Variants in VDR observed in about 807,000 individuals in gnomAD.
The protein encoded by VDR is vitamin D receptor.
A neutral mutation model predicts 39.7 loss-of-function variants in VDR; 19 were observed. The observed-to-expected ratio is 0.48, with a 90% CI of 0.33 to 0.70. The LOEUF is 0.70. Ranked by LOEUF, VDR falls within the 30% of genes least tolerant of loss-of-function variation. VDR has a pLI of 0.02. For missense variants in VDR, 442 were observed against 570.5 expected, an observed-to-expected ratio of 0.77 and a Z score of 2.29; for synonymous variants, 242 against 215.8, an observed-to-expected ratio of 1.12 and a Z score of -1.07.
intron 4 of VDR, among the ~76,000 whole-genome samples, chr12:47,859,975 C>A (rs985410149): frequency 5.8e-4 from 83 of 143,610 alleles, no homozygotes; most frequent in African/African-American, 2.0e-3. Flanking sequence ...TTCTTTCTTT[C>A]TTTCTTTCAC....
At chr12:47,882,175 C>T (rs918293212) in intron 2 of VDR, among the ~76,000 whole-genome samples, 2 of 152,156 alleles carry the variant, frequency 1.3e-5, no homozygotes, top group African/African-American at 4.8e-5. Flanking sequence ...AGTCTCTATG[C>T]TGGGGGTGAA....
Position 47,851,093 on chromosome 12 carries a change from G to C in VDR, c.756-4285C>G, listed in dbSNP as rs1032106708. ...AAAGGGCACAGCACGAAGGAAGCAT[G>C]ATAACCCCCAGGGCTCTTCCCTAGG... On this transcript the variant is annotated intron_variant, in intron 7 of 9. Transcript: ENST00000549336. Among the ~76,000 whole-genome samples the C allele has an allele frequency of 4.6e-5, 7 of 152,286 alleles. No individual in the cohort carries two copies. In the South Asian group the frequency reaches 1.4e-3, roughly 32 times the overall value.
chr12:47,863,777 A>T (rs1440221633), intron 4 of VDR, among the ~76,000 whole-genome samples: 1 of 152,186 alleles, frequency 6.6e-6, no homozygotes, highest in East Asian at 1.9e-4. Context: ...CCGTCAGATC[A>T]GGAGGGAGGA....
chr12:47,882,767 A>G lies in VDR; in HGVS notation c.-76T>C, dbSNP rs1441701018. 2 of 1,534,702 alleles carry G rather than the reference A, an allele frequency of 1.3e-6. No individual in the cohort carries two copies. The highest frequency in any genetic ancestry group is 4.9e-5 in the East Asian group (2 of 40,902). On this transcript the variant is annotated 5_prime_UTR_variant, in exon 2 of 10. Transcript: ENST00000549336. The stretch of plus-strand genomic sequence containing the variant: ...GAGGTCTCACAGACACTTCAGACCC[A>G]AAGGCTTCTGAAATGAAGAAGGGGA...
intron 1 of VDR, chr12:47,904,582 T>C: frequency 6.5e-7 from 1 of 1,535,822 alleles, no homozygotes; most frequent in Non-Finnish European, 8.7e-7. Flanking sequence ...CCAGCAGTTC[T>C]GAGCACCATC....
intron 2 of VDR, among the ~76,000 whole-genome samples, chr12:47,879,414 G>A (rs574043499): frequency 5.6e-4 from 85 of 151,184 alleles, no homozygotes; most frequent in South Asian, 2.5e-3. Flanking sequence ...GCATGCCCCC[G>A]CTGTCTGCAT....
At chr12:47,885,537 A>G (rs1296896537) in intron 1 of VDR, among the ~76,000 whole-genome samples, 3 of 152,354 alleles carry the variant, frequency 2.0e-5, no homozygotes, top group East Asian at 1.9e-4. Context: ...AAAGTCCCTC[A>G]TGGCTCAGTT....
chr12:47,856,621 TTAA>T (rs1565612976), intron 6 of VDR, among the ~76,000 whole-genome samples: 9 of 122,906 alleles, frequency 7.3e-5, no homozygotes, highest in Admixed American at 7.8e-5. Flanking sequence ...TGTGTTTTTT[TTAA>T]AAAAAAAAAA....
intron 1 of VDR, among the ~76,000 whole-genome samples, chr12:47,883,823 C>T (rs1052720805): frequency 3.3e-5 from 5 of 152,192 alleles, no homozygotes; most frequent in African/African-American, 7.2e-5. Flanking sequence ...GACCTGGGCC[C>T]GGTCCTAGAA....
At chr12:47,869,993 T>C (rs1945818909) in intron 3 of VDR, among the ~76,000 whole-genome samples, 1 of 152,164 alleles carries the variant, frequency 6.6e-6, no homozygotes, top group Non-Finnish European at 1.5e-5. Context: ...CCGAGAACAC[T>C]GAAAAGGAAG....
intron 4 of VDR, among the ~76,000 whole-genome samples, chr12:47,861,986 T>C (rs1945635415): frequency 6.6e-6 from 1 of 152,212 alleles, no homozygotes; most frequent in East Asian, 1.9e-4. Context: ...GTGGAAGATA[T>C]ACAGAGAGAA....
chr12:47,879,314 C>T (rs1033015447), intron 2 of VDR, among the ~76,000 whole-genome samples, 199 bp from the exon 3 acceptor site: 4 of 152,072 alleles, frequency 2.6e-5, no homozygotes, highest in Non-Finnish European at 5.9e-5. Flanking sequence ...ATTCGCCCTA[C>T]ATAGCTGGCT....
chr12:47,846,052 C>A (rs1544410), intron 9 of VDR, among the ~76,000 whole-genome samples: 1 of 152,042 alleles, frequency 6.6e-6, no homozygotes, highest in Admixed American at 6.5e-5. Flanking sequence ...ATTGGGAATG[C>A]GCAGGCCTGT....
chr12:47,870,538 G>C (rs1945830035), intron 3 of VDR, among the ~76,000 whole-genome samples: 1 of 152,210 alleles, frequency 6.6e-6, no homozygotes, highest in Non-Finnish European at 1.5e-5. Flanking sequence ...CCAGGGGTGA[G>C]AGAGGACATT....
At chr12:47,856,054 C>G (rs368471129) in intron 6 of VDR, among the ~76,000 whole-genome samples, 6 of 152,360 alleles carry the variant, frequency 3.9e-5, no homozygotes, top group East Asian at 1.9e-4. Context: ...AGACTGTGTG[C>G]TGTTCCTATG....
At chr12:47,864,144 G>A (rs1841691020) in intron 4 of VDR, among the ~76,000 whole-genome samples, 1 of 152,222 alleles carries the variant, frequency 6.6e-6, no homozygotes, top group Admixed American at 6.5e-5. Context: ...ACAGGAGTGA[G>A]CAAGAGAAGG....
chr12:47,883,307 C>T (rs1012546696), intron 1 of VDR, among the ~76,000 whole-genome samples: 1 of 152,192 alleles, frequency 6.6e-6, no homozygotes, highest in African/African-American at 2.4e-5. Flanking sequence ...ACAGCCTTGG[C>T]CTCTTGGGAC....
chr12:47,857,050 A>G, intron 6 of VDR, 79 bp downstream of exon 6: 1 of 1,603,658 alleles, frequency 6.2e-7, no homozygotes, highest in Middle Eastern at 1.9e-4. Flanking sequence ...ACCTCCTTCC[A>G]TCCAGCAGCC....
intron 3 of VDR, among the ~76,000 whole-genome samples, chr12:47,874,472 C>T (rs940555501): frequency 2.0e-5 from 3 of 152,224 alleles, no homozygotes; most frequent in African/African-American, 7.2e-5. Context: ...AATGCCAGAA[C>T]ATTCCTCATC....
Sources: gnomAD v4.1 joint callset for allele counts (sites outside exome capture counted in the v4.1 genomes callset) on GRCh38, gnomAD v4.1.1 for gene constraint, MANE v1.5 for transcripts, NCBI Gene and HGNC (gene_info 2026-07-23, HGNC 2026-07-21) for gene names.